WWP1: variants seen among roughly 807,000 people sequenced by gnomAD.
WWP1 encodes the protein NEDD4-like E3 ubiquitin-protein ligase WWP1.
Under a neutral mutation model 130.6 loss-of-function variants are expected in WWP1, and 49 were observed. The ratio of observed to expected loss-of-function variants is 0.38; its 90% CI spans 0.30 to 0.48. The LOEUF (loss-of-function observed/expected upper bound fraction) is 0.48. WWP1 is among the 20% of genes least tolerant of loss of function. The pLI, the probability that WWP1 is intolerant of heterozygous loss-of-function variation, is 0.99. For synonymous variants in WWP1, 332 were observed against 367.8 expected (o/e 0.90, Z 1.11); for missense variants, 809 against 1,100.6 (o/e 0.74, Z 3.75).
Position 86,380,793 on chromosome 8 carries a change from A to T in WWP1, c.138A>T (p.Val46=). The T allele has an allele frequency of 1.9e-6, 3 of 1,613,466 alleles. No homozygotes were observed. The highest frequency in any genetic ancestry group is 2.2e-5 in the South Asian group (2 of 90,986). ...FGTAIYTEVV[V]DGEITKTAKS... Reference sequence around the variant, plus strand: ...CAGCAATATATACAGAAGTAGTTGTAGATGGAGAAATTACGAAAACAGCAA... The same window carrying T: ...CAGCAATATATACAGAAGTAGTTGTTGATGGAGAAATTACGAAAACAGCAA... The change falls in exon 4 of 25, where the codon GTA becomes GTT. Residue 46 remains valine (V), a synonymous_variant. Transcript: ENST00000517970.
chr8:86,424,201 C>T (rs1345510793), intron 9 of WWP1, among the ~76,000 whole-genome samples: 2 of 151,452 alleles, frequency 1.3e-5, no homozygotes, highest in Non-Finnish European at 2.9e-5. Flanking sequence ...CCTCACATCC[C>T]AGACGGGGCG....
intron 17 of WWP1, chr8:86,442,344 A>G: frequency 4.6e-6 from 1 of 215,426 alleles, no homozygotes; most frequent in African/African-American, 2.3e-5. Context: ...ATTGAAGTTG[A>G]GGAGACATAC....
Position 86,374,015 on chromosome 8 carries a change from C to T in WWP1, c.-21-15C>T, listed in dbSNP as rs919964604. 6.4e-6 allele frequency: 10 copies of T among 1,569,696 alleles called. No homozygotes were observed. The African/African-American group carries it at 8.3e-5, about 13-fold the overall frequency. On this transcript the variant is annotated splice_polypyrimidine_tract_variant and intron_variant, in intron 2 of 24. Transcript: ENST00000517970. ...CTTATCTAACACATGAATAAATTCCCCTTTTTTAAAATAGGTTTTAGCTGA... is the reference window on the plus strand; with the variant it reads ...CTTATCTAACACATGAATAAATTCCTCTTTTTTAAAATAGGTTTTAGCTGA...
chr8:86,441,056 AT>A (rs1810566519), intron 17 of WWP1, among the ~76,000 whole-genome samples: 2 of 152,058 alleles, frequency 1.3e-5, no homozygotes, highest in African/African-American at 2.4e-5. Flanking sequence ...CTAGTTAGGA[AT>A]TTTTCTTCCT....
chr8:86,462,999 TA>T (rs1310422593), intron 24 of WWP1, among the ~76,000 whole-genome samples: 3 of 152,138 alleles, frequency 2.0e-5, no homozygotes, highest in Non-Finnish European at 4.4e-5. Context: ...TGTGACAAAA[TA>T]GGAAGTCTGA....
chr8:86,450,349 T>G (rs1811108781), intron 20 of WWP1, among the ~76,000 whole-genome samples: 1 of 152,216 alleles, frequency 6.6e-6, no homozygotes, highest in African/African-American at 2.4e-5. Context: ...GTGCATTTAT[T>G]ACGCTAGTTG....
At chr8:86,389,915 G>A (rs6471315) in intron 5 of WWP1, among the ~76,000 whole-genome samples, 23,793 of 150,164 alleles carry the variant, frequency 0.16, 4,768 homozygotes, top group African/African-American at 0.48. Flanking sequence ...GCTGCCGGGC[G>A]GAGACGCTCC....
Position 86,411,867 on chromosome 8 carries a change from C to T in WWP1, c.1054C>T (p.Pro352Ser). The T allele has an allele frequency of 6.2e-7, 1 of 1,604,642 alleles. No individual in the cohort carries two copies. Among genetic ancestry groups the T allele is most frequent in the Non-Finnish European group, 8.5e-7 (1 of 1,173,948 alleles). ...TGGGAATGCCAACACAGAAACCTTGCCATCAGGGTATGTTAAGCTTTTTAA... is the reference window on the plus strand; with the variant it reads ...TGGGAATGCCAACACAGAAACCTTGTCATCAGGGTATGTTAAGCTTTTTAA... The part of the protein sequence containing the change: ...QSGNANTETL[P>S]SGWEQRKDPH... The change falls in exon 9 of 25, where the codon CCA (proline) becomes TCA (serine). Residue 352 changes from proline (P) to serine (S), a missense_variant. Transcript: ENST00000517970.
chr8:86,461,183 G>C (rs1463040639), intron 22 of WWP1, 41 bp from the exon 23 acceptor site: 1 of 1,516,634 alleles, frequency 6.6e-7, no homozygotes, highest in Non-Finnish European at 9.1e-7. Flanking sequence ...ATTGAAGATA[G>C]TTTAGCATTT....
chr8:86,343,818 A>G (rs1396898922), intron 1 of WWP1, among the ~76,000 whole-genome samples: 1 of 152,052 alleles, frequency 6.6e-6, no homozygotes, highest in African/African-American at 2.4e-5. Context: ...GTGTGTGTGT[A>G]GGTTAATGTG....
Position 86,381,282 on chromosome 8 carries a change from A to G in WWP1, c.210-223A>G, listed in dbSNP as rs567927690. ...GTTGGTGTTTTGGCTTGCTGATTCC[A>G]AAAATCCTCATCTAGTTATTAAAGT... On this transcript the variant is annotated intron_variant, in intron 4 of 24. Coordinates refer to ENST00000517970, the MANE Select transcript of WWP1 (RefSeq NM_007013.4). Among the ~76,000 whole-genome samples the G allele has an allele frequency of 2.0e-5, 3 of 152,294 alleles. No individual in the cohort carries two copies. In the South Asian group the frequency reaches 6.2e-4, roughly 32 times the overall value.
chr8:86,452,678 A>C lies in WWP1; in HGVS notation c.2393A>C (p.Glu798Ala). 6.2e-7 allele frequency: 1 copy of C among 1,611,804 alleles called. No individual in the cohort carries two copies. The highest frequency in any genetic ancestry group is 8.5e-7 in the Non-Finnish European group (1 of 1,179,184). The change falls in exon 21 of 25, where the codon GAG (glutamate) becomes GCG (alanine). Residue 798 changes from glutamate (E) to alanine (A), a missense_variant and splice_region_variant. Coordinates refer to ENST00000517970, the MANE Select transcript of WWP1 (RefSeq NM_007013.4). ...CAGTACTTCGATGAAAAAGAATTAG[A>C]GGTTAGGCCCTTTTATTATGCTATT... ...WLQYFDEKEL[E>A]VMLCGMQEVD...
At chr8:86,429,332 T>C (rs1809808562) in intron 11 of WWP1, among the ~76,000 whole-genome samples, 1 of 152,198 alleles carries the variant, frequency 6.6e-6, no homozygotes, top group African/African-American at 2.4e-5. Flanking sequence ...ATGATCTTTA[T>C]GGCCACGTTT....
At chr8:86,397,291 C>G (rs1232978800) in intron 5 of WWP1, among the ~76,000 whole-genome samples, 1 of 152,142 alleles carries the variant, frequency 6.6e-6, no homozygotes, top group Non-Finnish European at 1.5e-5. Flanking sequence ...AAAGTGATCA[C>G]TGATAACTTT....
intron 9 of WWP1, among the ~76,000 whole-genome samples, chr8:86,414,988 T>A (rs1808812499): frequency 1.4e-5 from 2 of 143,724 alleles, no homozygotes; most frequent in African/African-American, 5.2e-5. Context: ...AGGAGAGTGA[T>A]GAGAAAGTGT....
chr8:86,455,444 A>G (rs1015821305), intron 21 of WWP1, among the ~76,000 whole-genome samples: 5 of 152,008 alleles, frequency 3.3e-5, no homozygotes, highest in African/African-American at 9.7e-5. Flanking sequence ...ACCCACCAAA[A>G]AACTACTAGA....
chr8:86,440,329 A>G (rs1197507733), intron 17 of WWP1, among the ~76,000 whole-genome samples: 4 of 152,174 alleles, frequency 2.6e-5, no homozygotes, highest in Non-Finnish European at 4.4e-5. Flanking sequence ...TTGGTGGGCT[A>G]GATTCATCAA....
chr8:86,420,953 A>G (rs950526237), intron 9 of WWP1, among the ~76,000 whole-genome samples: 1 of 152,222 alleles, frequency 6.6e-6, no homozygotes, highest in Non-Finnish European at 1.5e-5. Flanking sequence ...TTATTACCTA[A>G]AAATAGCAAA....
chr8:86,415,062 A>G (rs1452527766), intron 9 of WWP1, among the ~76,000 whole-genome samples: 1 of 152,142 alleles, frequency 6.6e-6, no homozygotes, highest in Non-Finnish European at 1.5e-5. Context: ...GGAGGCAGTT[A>G]TATGTACAGT....
Sources: allele counts gnomAD v4.1 joint callset (sites outside exome capture counted in the v4.1 genomes callset), GRCh38; gene constraint gnomAD v4.1.1; transcripts MANE v1.5; gene names NCBI Gene and HGNC (gene_info 2026-07-23, HGNC 2026-07-21).